Variants in BAZ2B observed in about 807,000 individuals in gnomAD.
BAZ2B encodes the protein bromodomain adjacent to zinc finger domain protein 2B.
In BAZ2B, 91 loss-of-function variants were observed where a neutral mutation model predicts 246.0. The observed-to-expected ratio is 0.37, with a 90% CI of 0.31 to 0.44. BAZ2B has a LOEUF of 0.44. Ranked by LOEUF, BAZ2B falls within the 20% of genes least tolerant of loss-of-function variation. The pLI is 1.00. For missense variants in BAZ2B, 2,332 were observed against 2,533.7 expected (o/e 0.92, Z 1.71); for synonymous variants, 855 against 860.0 (o/e 0.99, Z 0.10).
chr2:159,389,572 T>C (rs2063080550), intron 20 of BAZ2B, 87 bp from the exon 21 acceptor site: 15 of 1,226,564 alleles, frequency 1.2e-5, no homozygotes, highest in Non-Finnish European at 1.6e-5. Flanking sequence ...CATTGAATTA[T>C]TTTGCTTTTC....
chr2:159,660,463 GA>G, the BAZ2B span, among the ~76,000 whole-genome samples: 1 of 152,052 alleles, frequency 6.6e-6, no homozygotes, highest in Non-Finnish European at 1.5e-5. Context: ...CATTTCTCTT[GA>G]GCATATACCT....
intron 27 of BAZ2B, among the ~76,000 whole-genome samples, chr2:159,355,393 G>T (rs1334730204): frequency 6.6e-6 from 1 of 152,142 alleles, no homozygotes; most frequent in Non-Finnish European, 1.5e-5. Flanking sequence ...GAGACTAAAG[G>T]AAGCAGATTC....
At chr2:159,702,412 A>C in the BAZ2B span, among the ~76,000 whole-genome samples, 6,382 of 152,270 alleles carry the variant, frequency 0.042, 498 homozygotes, top group African/African-American at 0.15. Context: ...GACTTTATAA[A>C]GACAAATTTT....
intron 1 of BAZ2B, among the ~76,000 whole-genome samples, chr2:159,595,934 A>G (rs950884360): frequency 1.4e-4 from 22 of 152,034 alleles, no homozygotes; most frequent in African/African-American, 4.1e-4. Context: ...TTCTTCCACC[A>G]CTTGGCTACG....
At chr2:159,585,444 G>C (rs1333608349) in intron 1 of BAZ2B, among the ~76,000 whole-genome samples, 1 of 152,166 alleles carries the variant, frequency 6.6e-6, no homozygotes, top group Non-Finnish European at 1.5e-5. Context: ...TATGGCAAAT[G>C]AATGTGAAAA....
the BAZ2B span, among the ~76,000 whole-genome samples, chr2:159,628,492 A>G: frequency 1.3e-5 from 2 of 152,212 alleles, no homozygotes; most frequent in African/African-American, 4.8e-5. Context: ...ATGAAACAGA[A>G]CAGAAACCTG....
the BAZ2B span, among the ~76,000 whole-genome samples, chr2:159,675,258 T>A: frequency 6.6e-6 from 1 of 151,872 alleles, no homozygotes; most frequent in African/African-American, 2.4e-5. Context: ...AAAAATTTTT[T>A]AAAGTTATCA....
intron 2 of BAZ2B, among the ~76,000 whole-genome samples, chr2:159,538,602 A>G (rs2086289269): frequency 6.6e-6 from 1 of 152,196 alleles, no homozygotes; most frequent in Non-Finnish European, 1.5e-5. Context: ...ATGGCAAAAA[A>G]GCATTGTATA....
the BAZ2B span, among the ~76,000 whole-genome samples, chr2:159,688,850 A>G: frequency 6.6e-6 from 1 of 152,216 alleles, no homozygotes; most frequent in Non-Finnish European, 1.5e-5. Context: ...GCATTTTTGC[A>G]GTAATACAGC....
the BAZ2B span, among the ~76,000 whole-genome samples, chr2:159,704,378 T>C: frequency 3.3e-5 from 5 of 152,330 alleles, no homozygotes; most frequent in African/African-American, 1.2e-4. Flanking sequence ...TAACATGCAC[T>C]GCATAATGCA....
At chr2:159,549,528 G>T (rs985747477) in intron 2 of BAZ2B, among the ~76,000 whole-genome samples, 3 of 151,872 alleles carry the variant, frequency 2.0e-5, no homozygotes, top group Admixed American at 2.0e-4. Context: ...GGCTTCCCCG[G>T]GCTACACTGG....
chr2:159,560,721 T>G (rs772169382), intron 1 of BAZ2B, among the ~76,000 whole-genome samples: 59 of 152,066 alleles, frequency 3.9e-4, no homozygotes, highest in Non-Finnish European at 7.6e-4. Context: ...AGAGACGGGA[T>G]TTCACCATCT....
chr2:159,587,070 A>G (rs773530011), intron 1 of BAZ2B, among the ~76,000 whole-genome samples: 1 of 150,832 alleles, frequency 6.6e-6, no homozygotes, highest in Non-Finnish European at 1.5e-5. Context: ...ATAATATCCT[A>G]TCACCTGCAA....
At chr2:159,422,851 A>T (rs920830997) in intron 13 of BAZ2B, among the ~76,000 whole-genome samples, 7 of 152,174 alleles carry the variant, frequency 4.6e-5, no homozygotes, top group African/African-American at 1.7e-4. Flanking sequence ...AAGAAACTTA[A>T]TTCAACAAAC....
At chr2:159,500,681 C>T (rs1049716614) in intron 2 of BAZ2B, among the ~76,000 whole-genome samples, 16 of 152,190 alleles carry the variant, frequency 1.1e-4, no homozygotes, top group East Asian at 9.7e-4. Flanking sequence ...AGGCCAGGTG[C>T]GGTGGTTCAT....
intron 14 of BAZ2B, among the ~76,000 whole-genome samples, chr2:159,409,363 T>C (rs752718343): frequency 6.6e-6 from 1 of 152,172 alleles, no homozygotes; most frequent in Non-Finnish European, 1.5e-5. Context: ...AATGAATAGG[T>C]GCTACTTCAT....
chr2:159,534,748 AG>A (rs913762271), intron 2 of BAZ2B, among the ~76,000 whole-genome samples: 10 of 151,958 alleles, frequency 6.6e-5, no homozygotes, highest in Non-Finnish European at 1.0e-4. Flanking sequence ...CTGGGACTAC[AG>A]GCATGCACCT....
intron 1 of BAZ2B, among the ~76,000 whole-genome samples, chr2:159,604,946 G>GTGTGTGTC (rs1693073515): frequency 7.7e-6 from 1 of 130,692 alleles, no homozygotes; most frequent in Non-Finnish European, 1.7e-5. Flanking sequence ...GTGTGTGTGT[G>GTGTGTGTC]TGTGTGCGCG....
chr2:159,376,189 T>C (rs182115679), intron 25 of BAZ2B, among the ~76,000 whole-genome samples: 3 of 152,326 alleles, frequency 2.0e-5, no homozygotes, highest in African/African-American at 7.2e-5. Flanking sequence ...TGTTACCTAC[T>C]ACATGAAGGT....
Sources: allele counts gnomAD v4.1 joint callset (sites outside exome capture counted in the v4.1 genomes callset), GRCh38; gene constraint gnomAD v4.1.1; transcripts MANE v1.5; gene names NCBI Gene and HGNC (gene_info 2026-07-23, HGNC 2026-07-21).